MYO6: variants seen among roughly 807,000 people sequenced by gnomAD.
MYO6 encodes myosin VI, also known as unconventional myosin-VI.
In MYO6, 74 loss-of-function variants were observed where a neutral mutation model predicts 178.7. That is an observed-to-expected ratio of 0.41 (90% CI 0.34 to 0.50). The LOEUF is 0.50. Among genes scored for constraint, MYO6 ranks in the 20% least tolerant of loss-of-function variants. The pLI, the probability that MYO6 is intolerant of heterozygous loss-of-function variation, is 0.09. For missense variants in MYO6, 1,330 were observed against 1,547.4 expected, an observed-to-expected ratio of 0.86 and a Z score of 2.36; for synonymous variants, 477 against 504.6, an observed-to-expected ratio of 0.95 and a Z score of 0.73.
chr6:75,851,377 C>CT (rs1250366700), intron 11 of MYO6, among the ~76,000 whole-genome samples: 1 of 152,072 alleles, frequency 6.6e-6, no homozygotes, highest in Non-Finnish European at 1.5e-5. Flanking sequence ...ATTTTAAAAG[C>CT]TAAGATTTTA....
chr6:75,781,645 C>T (rs1050659194), intron 1 of MYO6, among the ~76,000 whole-genome samples: 3 of 151,848 alleles, frequency 2.0e-5, no homozygotes, highest in African/African-American at 7.3e-5. Flanking sequence ...AAAGGGGGCT[C>T]CGTGGGTGGC....
intron 1 of MYO6, among the ~76,000 whole-genome samples, chr6:75,751,968 TTAAA>T (rs1776936424): frequency 6.6e-6 from 1 of 152,110 alleles, no homozygotes; most frequent in South Asian, 2.1e-4. Flanking sequence ...GTGTTATAAC[TTAAA>T]TAAATCTCAG....
At chr6:75,888,747 T>G (rs1346618244) in intron 25 of MYO6, among the ~76,000 whole-genome samples, 1 of 152,230 alleles carries the variant, frequency 6.6e-6, no homozygotes, top group Non-Finnish European at 1.5e-5. Flanking sequence ...GCATACATTT[T>G]TACAGTTCTT....
At chr6:75,838,838 T>A (rs895622381) in intron 7 of MYO6, among the ~76,000 whole-genome samples, 3 of 151,704 alleles carry the variant, frequency 2.0e-5, no homozygotes, top group Non-Finnish European at 2.9e-5. Flanking sequence ...ATTTTTGTAT[T>A]TTTAGTAGAG....
intron 3 of MYO6, among the ~76,000 whole-genome samples, chr6:75,825,615 T>C (rs2150195499): frequency 6.6e-6 from 1 of 152,230 alleles, no homozygotes; most frequent in Non-Finnish European, 1.5e-5. Flanking sequence ...TAAATAAAAT[T>C]GGAAAGAATT....
chr6:75,892,928 G>A (rs1779020020), intron 28 of MYO6, among the ~76,000 whole-genome samples: 1 of 152,064 alleles, frequency 6.6e-6, no homozygotes, highest in South Asian at 2.1e-4. Context: ...TCACTAATGA[G>A]TACTCTATTA....
intron 3 of MYO6, 81 bp downstream of exon 3, chr6:75,822,932 C>T (rs1473565987): frequency 2.8e-6 from 3 of 1,079,522 alleles, no homozygotes; most frequent in East Asian, 2.4e-5. Context: ...GGTTATATAA[C>T]TGATACACTG....
At chr6:75,880,776 T>A (rs763890670) in intron 22 of MYO6, among the ~76,000 whole-genome samples, 3 of 152,260 alleles carry the variant, frequency 2.0e-5, no homozygotes, top group Admixed American at 1.3e-4. Context: ...GAAGCCGTTA[T>A]ATTGGTTGAT....
intron 33 of MYO6, among the ~76,000 whole-genome samples, chr6:75,912,433 T>C (rs1320478554): frequency 1.3e-5 from 2 of 152,060 alleles, no homozygotes; most frequent in African/African-American, 4.8e-5. Context: ...AAGCTTTTAA[T>C]GTCTGTGTCT....
At chr6:75,854,290 T>C (rs1291561179) in intron 11 of MYO6, among the ~76,000 whole-genome samples, 4 of 139,794 alleles carry the variant, frequency 2.9e-5, no homozygotes, top group African/African-American at 1.1e-4. Flanking sequence ...TTTTTTTTTT[T>C]TTTTTTTTTT....
chr6:75,796,325 T>G (rs985077166), intron 1 of MYO6, among the ~76,000 whole-genome samples: 1 of 152,194 alleles, frequency 6.6e-6, no homozygotes, highest in Non-Finnish European at 1.5e-5. Flanking sequence ...CCACCATACT[T>G]TTTTCCCCCT....
At chr6:75,756,685 A>C (rs1777385769) in intron 1 of MYO6, among the ~76,000 whole-genome samples, 1 of 152,128 alleles carries the variant, frequency 6.6e-6, no homozygotes, top group Non-Finnish European at 1.5e-5. Context: ...TATTATGCCA[A>C]GTGAGTATTT....
chr6:75,862,471 CAT>C (rs1172819619), intron 15 of MYO6, 123 bp from the exon 16 acceptor site: 4 of 856,582 alleles, frequency 4.7e-6, no homozygotes, highest in Non-Finnish European at 7.6e-6. Context: ...TGAGAGAACA[CAT>C]ATAGAATCAC....
At chr6:75,881,396 C>T (rs181032367) in intron 22 of MYO6, among the ~76,000 whole-genome samples, 70 of 151,542 alleles carry the variant, frequency 4.6e-4, no homozygotes, top group African/African-American at 1.6e-3. Flanking sequence ...AAAGTCTTCT[C>T]GCTAGCCATC....
chr6:75,892,779 GA>G (rs1779004921), intron 28 of MYO6, 89 bp downstream of exon 28: 1 of 1,397,236 alleles, frequency 7.2e-7, no homozygotes, highest in Non-Finnish European at 9.9e-7. Flanking sequence ...GGGAATAGGA[GA>G]AAATAATATT....
chr6:75,835,487 A>C (rs1283661810), intron 6 of MYO6, among the ~76,000 whole-genome samples: 5 of 152,124 alleles, frequency 3.3e-5, no homozygotes, highest in Non-Finnish European at 7.3e-5. Flanking sequence ...GCTGGAGTGC[A>C]GTGGTGCAGT....
intron 1 of MYO6, among the ~76,000 whole-genome samples, chr6:75,750,963 A>G (rs769269975): frequency 7.9e-5 from 12 of 152,202 alleles, no homozygotes; most frequent in Non-Finnish European, 1.6e-4. Context: ...GGTAGTGGTC[A>G]TGGTACAAAG....
At chr6:75,811,168 G>A (rs1184212491) in intron 1 of MYO6, among the ~76,000 whole-genome samples, 1 of 152,100 alleles carries the variant, frequency 6.6e-6, no homozygotes, top group African/African-American at 2.4e-5. Context: ...TGTGTGGTTG[G>A]TGTGAGGAAA....
In MYO6 at chr6:75,879,901, A is replaced by G. The variant is rs369292514; in HGVS notation, c.2159A>G (p.Lys720Arg). Residue 720 changes from lysine (K) to arginine (R), a missense_variant, in exon 21 of 35, where the codon AAG becomes AGG. Physicochemically the swap from Lys to Arg is conservative, Grantham distance 26 (BLOSUM62 2). This residue lies in a region of MYO6 where 613 missense variants were observed against 816.8 expected (regional missense o/e 0.75). Coordinates refer to ENST00000369977, the MANE Select transcript of MYO6 (RefSeq NM_004999.4). ...CATGAACTCTACAACATGTACAAAA[A>G]GTATATGCCAGATAAACTTGCAAGA... ...SFHELYNMYK[K>R]YMPDKLARLD... 4 of 1,614,180 alleles carry G rather than the reference A, an allele frequency of 2.5e-6. No individual in the cohort carries two copies. The South Asian group carries it at 4.4e-5, about 18-fold the overall frequency.
Sources: allele counts gnomAD v4.1 joint callset (sites outside exome capture counted in the v4.1 genomes callset), GRCh38; gene constraint gnomAD v4.1.1; regional missense constraint gnomAD v4.1.1; transcripts MANE v1.5; gene names NCBI Gene and HGNC (gene_info 2026-07-23, HGNC 2026-07-21).